The following ZZEF1 variants were observed in gnomAD, a reference collection of about 807,000 sequenced individuals.
ZZEF1 encodes the protein zinc finger ZZ-type and EF-hand domain-containing protein 1.
Under a neutral mutation model 342.8 loss-of-function variants are expected in ZZEF1, and 157 were observed. That is an observed-to-expected ratio of 0.46 (90% CI 0.40 to 0.52). The LOEUF (loss-of-function observed/expected upper bound fraction) is 0.52. Among genes scored for constraint, ZZEF1 ranks in the 20% least tolerant of loss-of-function variants. ZZEF1 has a pLI of 0.00. For missense variants in ZZEF1, 3,480 were observed against 3,725.6 expected (o/e 0.93, Z 1.72); for synonymous variants, 1,505 against 1,429.1 (o/e 1.05, Z -1.20).
chr17:4,129,824 T>G (rs2058635641), intron 1 of ZZEF1, among the ~76,000 whole-genome samples: 1 of 152,126 alleles, frequency 6.6e-6, no homozygotes. Context: ...CATGGAATAC[T>G]ATGCAGCCAT....
chr17:4,008,966 G>C lies in ZZEF1; in HGVS notation c.8734-12C>G, dbSNP rs775598188. 12 of 1,539,280 alleles carry C rather than the reference G, an allele frequency of 7.8e-6. 1 individual carries two copies. The Admixed American group carries it at 1.2e-4, about 15-fold the overall frequency. On this transcript the variant is annotated splice_polypyrimidine_tract_variant and intron_variant, in intron 53 of 54. Transcript: ENST00000381638. The surrounding 1 kb of genome is among the most constrained non-coding windows in gnomAD (Gnocchi z 4.2). ...AGCACGCCAAGCTCCTGCAGAGAGA[G>C]AGCAGGGGCTGTGAGTGACAGCGCC...
At chr17:4,056,410 G>A in intron 32 of ZZEF1, 65 bp from the exon 33 acceptor site, 1 of 1,488,434 alleles carries the variant, frequency 6.7e-7, no homozygotes. Context: ...GTACTGGTTA[G>A]CAGACCCTGT....
Position 4,019,759 on chromosome 17 carries a change from T to C in ZZEF1, c.7415A>G (p.Asp2472Gly), listed in dbSNP as rs1290020919. 6.2e-7 allele frequency: 1 copy of C among 1,608,830 alleles called. No homozygotes were observed. Residue 2472 changes from aspartate (D) to glycine (G), a missense_variant, in exon 46 of 55, where the codon GAT (aspartate) becomes GGT (glycine). By Grantham distance (94) the Asp-to-Gly change is moderately conservative. Transcript: ENST00000381638. ...AATGTGCAGAGGGGCATTGAGGGCA[T>C]CATGAGCCATCTGGAGGCCAGGGGA... ...PTRICFLMAH[D>G]ALNAPLHILR...
In ZZEF1 at chr17:4,066,542, T is replaced by C; in HGVS notation, c.4156-2A>G. ...CAGGGACTTCTGCTTCATCTCTAAC[T>C]AGGGGAGAATTTGAGCCACATCATT... On this transcript the variant is annotated splice_acceptor_variant, in intron 27 of 54. Transcript: ENST00000381638. LOFTEE classifies it high-confidence loss of function. 6.2e-7 allele frequency: 1 copy of C among 1,613,854 alleles called. No individual in the cohort carries two copies. Among genetic ancestry groups the C allele is most frequent in the Non-Finnish European group, 8.5e-7 (1 of 1,179,860 alleles).
At chr17:4,080,306 GC>G (rs1269605694) in intron 18 of ZZEF1, among the ~76,000 whole-genome samples, 2 of 152,050 alleles carry the variant, frequency 1.3e-5, no homozygotes, top group Non-Finnish European at 2.9e-5. Flanking sequence ...CCACGAAATT[GC>G]TAAGAAATCT....
chr17:4,034,352 ATAT>A (rs1212239606), intron 39 of ZZEF1, 60 bp from the exon 40 acceptor site: 25 of 1,568,386 alleles, frequency 1.6e-5, no homozygotes, highest in Non-Finnish European at 1.8e-5. Flanking sequence ...AACTTGCTAA[ATAT>A]TATATCTCCC....
At chr17:4,133,300 C>T (rs1476600106) in intron 1 of ZZEF1, among the ~76,000 whole-genome samples, 1 of 41,212 alleles carries the variant, frequency 2.4e-5, no homozygotes. Flanking sequence ...TATTAACCTC[C>T]CCGTCTTATA....
At position 4,006,891 on chromosome 17, in the gene ZZEF1, T is replaced by G. The variant is rs1240493953; in HGVS notation, c.8885A>C (p.Ter2962SerextTer9). The G allele has an allele frequency of 5.0e-6, 8 of 1,586,300 alleles. No individual in the cohort carries two copies. The highest frequency in any genetic ancestry group is 4.3e-6 in the Non-Finnish European group (5 of 1,164,936). Residue 2962 changes from the stop codon to serine (S), a stop_lost, in exon 55 of 55, where the codon TAG becomes TCG. Coordinates refer to ENST00000381638, the MANE Select transcript of ZZEF1 (RefSeq NM_015113.4). ...GTCCCATGCACGCCCCACCAAGGGC[T>G]AACACTCCACATTCCAGAGGCGGGT... ...KATRLWNVEC[*>S]
intron 15 of ZZEF1, among the ~76,000 whole-genome samples, chr17:4,086,088 TC>T (rs1211002978): frequency 1.3e-5 from 2 of 152,206 alleles, no homozygotes; most frequent in Non-Finnish European, 2.9e-5. Flanking sequence ...CGTGTTTCAC[TC>T]CCCCTCAATC....
chr17:4,022,097 TGA>T (rs2056286227), intron 44 of ZZEF1, among the ~76,000 whole-genome samples: 1 of 152,228 alleles, frequency 6.6e-6, no homozygotes, highest in Admixed American at 6.5e-5. Flanking sequence ...TTCTGGCAAT[TGA>T]GAGCTGTTTC....
chr17:4,025,139 G>GA (rs762882831), intron 42 of ZZEF1, 21 bp from the exon 43 acceptor site: 8 of 1,611,446 alleles, frequency 5.0e-6, no homozygotes, highest in Non-Finnish European at 6.8e-6. Context: ...ACATCAGGCA[G>GA]AAAAAGAAAG....
chr17:4,114,341 G>C lies in ZZEF1; in HGVS notation c.824C>G (p.Ser275Cys). Residue 275 changes from serine to cysteine, a missense_variant, in exon 4 of 55, where the codon TCC (serine) becomes TGC (cysteine). Ser to Cys is a moderately radical substitution (Grantham distance 112). Transcript: ENST00000381638. ...GGCACTGCCATCTGACTGCCAGTAG[G>C]ATGAGGTTTCTCCATTTGTCATCTT... Reference protein sequence around the residue: ...IDKMTNGETSSYWQSDGSACS... With the variant: ...IDKMTNGETSCYWQSDGSACS... 6.2e-7 allele frequency: 1 copy of C among 1,610,972 alleles called. No individual in the cohort carries two copies. The highest frequency in any genetic ancestry group is 8.5e-7 in the Non-Finnish European group (1 of 1,178,672).
Position 4,052,030 on chromosome 17 carries a change from A to G in ZZEF1, c.5541T>C (p.Asn1847=), listed in dbSNP as rs1233278461. ...GLIIGRRMNC[N]VCDDFDLCYG... is the part of the protein sequence containing the mutation. ...AGCAAAGATCAAAGTCATCGCAAACATTGCAGTTCATCCTCCGGCCTATGA... is the reference window on the plus strand; with the variant it reads ...AGCAAAGATCAAAGTCATCGCAAACGTTGCAGTTCATCCTCCGGCCTATGA... Residue 1847 remains asparagine (N), a synonymous_variant, in exon 35 of 55, where the codon AAT becomes AAC. Transcript: ENST00000381638. 1.2e-6 allele frequency: 2 copies of G among 1,614,206 alleles called. No individual in the cohort carries two copies. The highest frequency in any genetic ancestry group is 2.2e-5 in the East Asian group (1 of 44,888).
In ZZEF1 at chr17:4,064,676, T is replaced by C; in HGVS notation, c.4403A>G (p.Glu1468Gly). 1 of 1,614,230 alleles carries C rather than the reference T, an allele frequency of 6.2e-7. No homozygotes were observed. Among genetic ancestry groups the C allele is most frequent in the Non-Finnish European group, 8.5e-7 (1 of 1,180,044 alleles). ...GGGAGATACTGAGGCTTGGAAATGC[T>C]CTTCCACCACAGAGCTTGTCCTCTG... ...KRQRTSSVVE[E>G]HFQASVSPTE... The change falls in exon 29 of 55, where the codon GAG becomes GGG. Residue 1468 changes from glutamate to glycine, a missense_variant. By Grantham distance (98) the Glu-to-Gly change is moderately conservative (BLOSUM62 -2). Around this residue, in one of 5 missense-constraint regions of ZZEF1, gnomAD observed 1,528 missense variants for 1,624.1 expected, o/e 0.94. Coordinates refer to ENST00000381638, the MANE Select transcript of ZZEF1 (RefSeq NM_015113.4).
Position 4,104,773 on chromosome 17 carries a change from G to C in ZZEF1, c.1433C>G (p.Ala478Gly). 1 of 1,614,122 alleles carries C rather than the reference G, an allele frequency of 6.2e-7. No individual in the cohort carries two copies. Among genetic ancestry groups the C allele is most frequent in the Middle Eastern group, 1.7e-4 (1 of 6,058 alleles). Residue 478 changes from alanine to glycine, a missense_variant, in exon 8 of 55, where the codon GCT becomes GGT. Physicochemically the swap from Ala to Gly is moderately conservative, Grantham distance 60 (BLOSUM62 0). Around this residue, in one of 5 missense-constraint regions of ZZEF1, gnomAD observed 1,528 missense variants for 1,624.1 expected, o/e 0.94. Coordinates refer to ENST00000381638, the MANE Select transcript of ZZEF1 (RefSeq NM_015113.4). ...AACACTTCCTCTTGCGAGAGCAAAA[G>C]CCAGAAGAGTCAGTTCTACCTCTGG... ...STPEVELTLLAFALARGSVAK... is the reference protein window; with the variant it reads ...STPEVELTLLGFALARGSVAK...
At chr17:4,125,477 G>A (rs529945343) in intron 1 of ZZEF1, among the ~76,000 whole-genome samples, 1 of 152,250 alleles carries the variant, frequency 6.6e-6, no homozygotes, top group Non-Finnish European at 1.5e-5. Context: ...AAAACCATGG[G>A]CATAAATGCA....
At chr17:4,049,326 A>G (rs1459568165) in intron 37 of ZZEF1, among the ~76,000 whole-genome samples, 1 of 152,128 alleles carries the variant, frequency 6.6e-6, no homozygotes, top group African/African-American at 2.4e-5. Context: ...ACCCTGGGCA[A>G]CATGGCGAAA....
intron 37 of ZZEF1, among the ~76,000 whole-genome samples, chr17:4,048,513 A>G (rs188470559): frequency 1.3e-5 from 2 of 152,260 alleles, no homozygotes; most frequent in African/African-American, 2.4e-5. Context: ...CATAGAAACA[A>G]TGGCGTGCTC....
chr17:4,027,311 T>TTTTTTTC (rs1409685779), intron 42 of ZZEF1, among the ~76,000 whole-genome samples: 3 of 144,896 alleles, frequency 2.1e-5, no homozygotes, highest in Non-Finnish European at 4.5e-5. Context: ...TTTTTTTTTT[T>TTTTTTTC]TGAGAGAAGT....
Sources: allele counts gnomAD v4.1 joint callset (sites outside exome capture counted in the v4.1 genomes callset), GRCh38; gene constraint gnomAD v4.1.1; regional missense constraint gnomAD v4.1.1; non-coding constraint Gnocchi (gnomAD v3.1); transcripts MANE v1.5; gene names NCBI Gene and HGNC (gene_info 2026-07-23, HGNC 2026-07-21).